The following ZNF385D variants were observed in gnomAD, a reference collection of about 807,000 sequenced individuals.
ZNF385D encodes the protein zinc finger protein 659.
Under a neutral mutation model 35.8 loss-of-function variants are expected in ZNF385D, and 15 were observed. That is an observed-to-expected ratio of 0.42 (90% CI 0.28 to 0.64). ZNF385D has a LOEUF of 0.64. Ranked by LOEUF, ZNF385D falls within the 30% of genes least tolerant of loss-of-function variation. The pLI, the probability that ZNF385D is intolerant of heterozygous loss-of-function variation, is 0.23. For missense variants in ZNF385D, 474 were observed against 494.6 expected (o/e 0.96, Z 0.39); for synonymous variants, 212 against 186.8 (o/e 1.13, Z -1.10).
At chr3:21,976,585 G>A (rs565353584) in intron 3 of ZNF385D, among the ~76,000 whole-genome samples, 2 of 152,236 alleles carry the variant, frequency 1.3e-5, no homozygotes, top group African/African-American at 4.8e-5. Context: ...CCAAAAACAT[G>A]TACTACATTG....
chr3:21,859,526 A>T (rs1195304143), intron 3 of ZNF385D, among the ~76,000 whole-genome samples: 1 of 151,952 alleles, frequency 6.6e-6, no homozygotes, highest in Non-Finnish European at 1.5e-5. Context: ...GGCCCGTGGA[A>T]TAGAGAGTTC....
chr3:21,906,747 G>A (rs1699703758), intron 3 of ZNF385D, among the ~76,000 whole-genome samples: 1 of 152,108 alleles, frequency 6.6e-6, no homozygotes, highest in Admixed American at 6.6e-5. Flanking sequence ...CTAAAGTCCT[G>A]GGGCCCTTGC....
intron 3 of ZNF385D, among the ~76,000 whole-genome samples, chr3:22,040,436 G>A (rs1020482734): frequency 1.3e-5 from 2 of 152,078 alleles, no homozygotes; most frequent in South Asian, 2.1e-4. Context: ...ACAGATCAAG[G>A]GTTGCAAGCC....
intron 3 of ZNF385D, among the ~76,000 whole-genome samples, chr3:22,007,796 GAT>G (rs1252064107): frequency 6.7e-6 from 1 of 148,856 alleles, no homozygotes; most frequent in East Asian, 2.0e-4. Context: ...CTTTTGATAT[GAT>G]ATATATATTA....
intron 2 of ZNF385D, among the ~76,000 whole-genome samples, chr3:22,204,382 CAGA>C (rs1360292950): frequency 6.6e-6 from 1 of 151,886 alleles, no homozygotes; most frequent in Non-Finnish European, 1.5e-5. Context: ...AAATCTTTCC[CAGA>C]AGAATGGAAA....
intron 3 of ZNF385D, among the ~76,000 whole-genome samples, chr3:22,072,993 G>A (rs184703642): frequency 1.1e-4 from 16 of 152,030 alleles, no homozygotes; most frequent in Non-Finnish European, 2.2e-4. Flanking sequence ...ATGGTTTCCA[G>A]GCACTTTCAA....
intron 2 of ZNF385D, among the ~76,000 whole-genome samples, chr3:22,240,456 T>C (rs560669246): frequency 6.6e-6 from 1 of 151,174 alleles, no homozygotes; most frequent in East Asian, 2.0e-4. Flanking sequence ...GCCTACATCA[T>C]GTTTAGTTGT....
intron 3 of ZNF385D, among the ~76,000 whole-genome samples, chr3:22,159,998 C>G (rs759781542): frequency 9.9e-5 from 15 of 151,830 alleles, no homozygotes; most frequent in Non-Finnish European, 2.1e-4. Flanking sequence ...AAAGGAGAGA[C>G]CATGTGGGGG....
At chr3:21,882,714 A>G (rs1295641512) in intron 3 of ZNF385D, among the ~76,000 whole-genome samples, 1 of 152,022 alleles carries the variant, frequency 6.6e-6, no homozygotes. Context: ...CTCAAACATG[A>G]TAGTCTGAGA....
At chr3:21,569,654 G>A (rs1041249275) in intron 2 of ZNF385D, among the ~76,000 whole-genome samples, 4 of 151,016 alleles carry the variant, frequency 2.6e-5, no homozygotes, top group Admixed American at 1.3e-4. Context: ...TTTCTTCCTC[G>A]TCTCGATGGT....
intron 2 of ZNF385D, among the ~76,000 whole-genome samples, chr3:22,254,555 T>G (rs563025521): frequency 3.1e-4 from 47 of 151,996 alleles, no homozygotes; most frequent in African/African-American, 1.0e-3. Flanking sequence ...AGATTTCATT[T>G]ACAGTAGTAC....
chr3:22,263,409 C>A (rs1200584724), intron 2 of ZNF385D, among the ~76,000 whole-genome samples: 2 of 151,848 alleles, frequency 1.3e-5, no homozygotes, highest in Admixed American at 6.6e-5. Flanking sequence ...TCCTTTATGT[C>A]TTTGCTCAAA....
At chr3:21,453,218 CA>C (rs1159359183) in intron 4 of ZNF385D, among the ~76,000 whole-genome samples, 1 of 149,802 alleles carries the variant, frequency 6.7e-6, no homozygotes, top group African/African-American at 2.4e-5. Flanking sequence ...GCATGTCATT[CA>C]AAATGGATCA....
chr3:21,808,705 G>A (rs2072766207), intron 3 of ZNF385D, among the ~76,000 whole-genome samples: 1 of 152,184 alleles, frequency 6.6e-6, no homozygotes, highest in Non-Finnish European at 1.5e-5. Context: ...GAAGGGTTAT[G>A]GACAGGAGTG....
chr3:21,694,734 T>A (rs1040845509), intron 1 of ZNF385D, among the ~76,000 whole-genome samples: 4 of 152,220 alleles, frequency 2.6e-5, no homozygotes, highest in African/African-American at 9.7e-5. Context: ...TAACTTAGAA[T>A]GCTTCTTGTT....
chr3:22,111,355 G>A (rs768464218), intron 3 of ZNF385D, among the ~76,000 whole-genome samples: 1 of 151,796 alleles, frequency 6.6e-6, no homozygotes, highest in South Asian at 2.1e-4. Flanking sequence ...CTTCAATTTA[G>A]TAAGTTCAAG....
chr3:21,553,449 A>G (rs1361961911), intron 3 of ZNF385D, among the ~76,000 whole-genome samples: 1 of 152,204 alleles, frequency 6.6e-6, no homozygotes, highest in Non-Finnish European at 1.5e-5. Context: ...GAAAAATGCT[A>G]ACAACGTGAA....
At chr3:21,670,649 C>CT (rs2066542049) in intron 1 of ZNF385D, among the ~76,000 whole-genome samples, 1 of 1,890 alleles carries the variant, frequency 5.3e-4, no homozygotes, top group African/African-American at 1.1e-3. Flanking sequence ...AATCCTAAGG[C>CT]GCCCCCCCCC....
intron 2 of ZNF385D, among the ~76,000 whole-genome samples, chr3:21,625,784 A>C (rs2065119196): frequency 6.6e-6 from 1 of 152,118 alleles, no homozygotes; most frequent in East Asian, 1.9e-4. Context: ...TTACATGTTC[A>C]ACAGTAGCAC....
Sources: gnomAD v4.1 joint callset for allele counts (sites outside exome capture counted in the v4.1 genomes callset) on GRCh38, gnomAD v4.1.1 for gene constraint, MANE v1.5 for transcripts, NCBI Gene and HGNC (gene_info 2026-07-23, HGNC 2026-07-21) for gene names.